Variants in GUCY1B1 observed in about 807,000 individuals in gnomAD.
GUCY1B1 encodes the protein guanylate cyclase soluble subunit beta-1.
Under a neutral mutation model 71.0 loss-of-function variants are expected in GUCY1B1, and 43 were observed. That is an observed-to-expected ratio of 0.61 (90% CI 0.47 to 0.78). GUCY1B1 has a LOEUF of 0.78. Ranked by LOEUF, GUCY1B1 falls within the 30% of genes least tolerant of loss-of-function variation. The probability of loss-of-function intolerance (pLI) is 0.00; values close to 1 mark genes in which losing one functional copy is unlikely to be tolerated. For missense variants in GUCY1B1, 535 were observed against 754.1 expected (o/e 0.71, Z 3.40); for synonymous variants, 266 against 259.7 (o/e 1.02, Z -0.23).
At chr4:155,764,537 TGTA>T (rs904159088) in intron 2 of GUCY1B1, among the ~76,000 whole-genome samples, 1 of 152,212 alleles carries the variant, frequency 6.6e-6, no homozygotes, top group African/African-American at 2.4e-5. Context: ...TAGGAACTAA[TGTA>T]GTATACATAC....
intron 3 of GUCY1B1, among the ~76,000 whole-genome samples, chr4:155,775,350 T>C (rs951394858): frequency 6.6e-6 from 1 of 152,206 alleles, no homozygotes; most frequent in South Asian, 2.1e-4. Context: ...ACTGCAGTAG[T>C]GGCCCAACTC....
intron 4 of GUCY1B1, among the ~76,000 whole-genome samples, chr4:155,787,535 A>C (rs112118276): frequency 3.7e-4 from 57 of 152,260 alleles, no homozygotes; most frequent in African/African-American, 1.2e-3. Context: ...TTTCAGTCTG[A>C]ATTGTTGGCT....
At chr4:155,776,565 G>A (rs1738062526) in intron 3 of GUCY1B1, among the ~76,000 whole-genome samples, 1 of 152,046 alleles carries the variant, frequency 6.6e-6, no homozygotes, top group Admixed American at 6.6e-5. Flanking sequence ...AGCTACTCAG[G>A]AGGCTGAGGC....
chr4:155,763,398 C>T (rs114778424), intron 2 of GUCY1B1, among the ~76,000 whole-genome samples: 12 of 152,212 alleles, frequency 7.9e-5, no homozygotes, highest in Non-Finnish European at 1.6e-4. Context: ...AGATCCAAAA[C>T]ACTGAAAAAT....
At position 155,759,955 on chromosome 4, in the gene GUCY1B1, G is replaced by A. The variant is rs551458062; in HGVS notation, c.77+95G>A. On this transcript the variant is annotated intron_variant, in intron 2 of 13. Coordinates refer to ENST00000264424, the MANE Select transcript of GUCY1B1 (RefSeq NM_000857.5). ...TGGTCCTCAGCCTGCTGGCCGGGTC[G>A]CGGGCGCGCATCCTTGGAGGTGCCT... is the stretch of plus-strand genomic sequence containing the variant. 413 of 876,546 alleles carry A rather than the reference G, an allele frequency of 4.7e-4. 1 individual carries two copies. The African/African-American group carries it at 6.3e-3, about 13-fold the overall frequency. 54.3% of individuals were successfully genotyped at this position (876,546 alleles called of 1,614,324 possible). A position where few individuals can be genotyped will look rare whatever the true frequency, so the allele number is the denominator to read the frequency against.
Position 155,802,439 on chromosome 4 carries a change from AG to A in GUCY1B1, c.1274del (p.Ser425MetfsTer20). On this transcript the variant is annotated frameshift_variant, in exon 10 of 14. Coordinates refer to ENST00000264424, the MANE Select transcript of GUCY1B1 (RefSeq NM_000857.5). LOFTEE classifies it high-confidence loss of function. The surrounding 1 kb of genome is among the most constrained non-coding windows in gnomAD (Gnocchi z 4.3). ...ATATGACAATGTGACCATCCTCTTT[AG>A]TGGCATTGTGGGCTTCAATGCTTTC... Reference protein sequence around the residue: ...KRYDNVTILFSGIVGFNAFCS... With the variant: ...KRYDNVTILFXGIVGFNAFCS... 1 of 1,613,806 alleles carries A rather than the reference AG, an allele frequency of 6.2e-7. No homozygotes were observed. Among genetic ancestry groups the A allele is most frequent in the Non-Finnish European group, 8.5e-7 (1 of 1,179,778 alleles).
At chr4:155,784,640 C>T (rs1451158382) in intron 4 of GUCY1B1, among the ~76,000 whole-genome samples, 1 of 152,106 alleles carries the variant, frequency 6.6e-6, no homozygotes, top group Non-Finnish European at 1.5e-5. Context: ...CAGATCTAAA[C>T]TGCAGTAATA....
intron 11 of GUCY1B1, 69 bp from the exon 12 acceptor site, chr4:155,804,524 T>TA: frequency 7.7e-7 from 1 of 1,293,160 alleles, no homozygotes; most frequent in Non-Finnish European, 1.1e-6. Context: ...GAACTTAAAG[T>TA]AAAATAAAAA....
intron 2 of GUCY1B1, among the ~76,000 whole-genome samples, chr4:155,760,117 G>C (rs1222160253): frequency 6.6e-6 from 1 of 152,162 alleles, no homozygotes; most frequent in African/African-American, 2.4e-5. Context: ...ACGGCTTCCC[G>C]ACCCGGCCTG....
chr4:155,803,676 G>T lies in GUCY1B1; in HGVS notation c.1466G>T (p.Cys489Phe), dbSNP rs773831619. Residue 489 changes from cysteine to phenylalanine, a missense_variant, in exon 11 of 14, where the codon TGC becomes TTC. Cys to Phe is a radical substitution (Grantham distance 205, BLOSUM62 -2). Coordinates refer to ENST00000264424, the MANE Select transcript of GUCY1B1 (RefSeq NM_000857.5). ...YMTVSGLPEPCIHHARSICHL... is the reference protein window; with the variant it reads ...YMTVSGLPEPFIHHARSICHL... Reference sequence around the variant, plus strand: ...ACAGTGAGTGGTTTACCAGAGCCATGCATTCACCATGCACGATCCATCTGC... The same window carrying T: ...ACAGTGAGTGGTTTACCAGAGCCATTCATTCACCATGCACGATCCATCTGC... 2.5e-6 allele frequency: 4 copies of T among 1,605,572 alleles called. No homozygotes were observed. Among genetic ancestry groups the T allele is most frequent in the African/African-American group, 2.7e-5 (2 of 74,674 alleles).
rs1272358571 is a variant in GUCY1B1, at chr4:155,807,571, ATAAAT to A, written c.*1165_*1169del. ...ATGTTAATGTGTAAAAGAGTCTGTA[ATAAAT>A]TATTTTTTTCACGTGTCTCTATACA... On this transcript the variant is annotated 3_prime_UTR_variant, in exon 14 of 14. Coordinates refer to ENST00000264424, the MANE Select transcript of GUCY1B1 (RefSeq NM_000857.5). 2 of 152,226 alleles carry A rather than the reference ATAAAT, an allele frequency of 1.3e-5. No homozygotes were observed. Among genetic ancestry groups the A allele is most frequent in the East Asian group, 3.9e-4 (2 of 5,194 alleles). The allele number at this position is 152,226 out of a possible 1,614,324, so 9.4% of individuals were successfully genotyped here.
chr4:155,800,533 T>G (rs1739874628), intron 9 of GUCY1B1, among the ~76,000 whole-genome samples: 1 of 152,158 alleles, frequency 6.6e-6, no homozygotes, highest in African/African-American at 2.4e-5. Flanking sequence ...GAATTTAGGA[T>G]TAGAAAGAAA....
At chr4:155,775,295 CTTG>C (rs1396982445) in intron 3 of GUCY1B1, among the ~76,000 whole-genome samples, 1 of 152,092 alleles carries the variant, frequency 6.6e-6, no homozygotes, top group Non-Finnish European at 1.5e-5. Flanking sequence ...ATGTGCTCTT[CTTG>C]TTGTTTTTTG....
Position 155,806,277 on chromosome 4 carries a change from T to C in GUCY1B1, c.1837-109T>C, listed in dbSNP as rs972825593. On this transcript the variant is annotated intron_variant, in intron 13 of 13. Transcript: ENST00000264424. ...TGGTGGGAATGATTTACAGAAACTG[T>C]AGATGTGAACGTGGATCACACTCTC... is the stretch of plus-strand genomic sequence containing the variant. 1.1e-5 allele frequency: 7 copies of C among 663,902 alleles called. No homozygotes were observed. In the South Asian group the frequency reaches 1.5e-4, roughly 14 times the overall value. 41.1% of individuals were successfully genotyped at this position (663,902 alleles called of 1,614,324 possible).
intron 4 of GUCY1B1, among the ~76,000 whole-genome samples, chr4:155,787,502 T>A (rs1419519903): frequency 6.6e-6 from 1 of 152,200 alleles, no homozygotes; most frequent in East Asian, 1.9e-4. Context: ...CATCTTCAGT[T>A]TGAAGTATTT....
At chr4:155,772,907 T>A (rs1170652760) in intron 2 of GUCY1B1, among the ~76,000 whole-genome samples, 1 of 152,204 alleles carries the variant, frequency 6.6e-6, no homozygotes, top group African/African-American at 2.4e-5. Context: ...TTTAAGACTA[T>A]CTGCATACTA....
intron 5 of GUCY1B1, among the ~76,000 whole-genome samples, chr4:155,792,337 A>T (rs1739238197): frequency 6.6e-6 from 1 of 152,184 alleles, no homozygotes; most frequent in African/African-American, 2.4e-5. Context: ...TAAGTTTAGG[A>T]TACATATAAT....
intron 5 of GUCY1B1, among the ~76,000 whole-genome samples, chr4:155,791,751 A>T (rs1183267286): frequency 7.0e-6 from 1 of 142,778 alleles, no homozygotes; most frequent in East Asian, 2.0e-4. Context: ...GAGAAAAAAA[A>T]AAAAATAAAG....
intron 2 of GUCY1B1, among the ~76,000 whole-genome samples, chr4:155,770,856 T>G (rs1412689179): frequency 6.6e-6 from 1 of 152,194 alleles, no homozygotes; most frequent in African/African-American, 2.4e-5. Context: ...TCCTCTTGCA[T>G]TTCCACTCTC....
Sources: gnomAD v4.1 joint callset for allele counts (sites outside exome capture counted in the v4.1 genomes callset) on GRCh38, gnomAD v4.1.1 for gene constraint, Gnocchi (gnomAD v3.1) non-coding constraint, MANE v1.5 for transcripts, NCBI Gene and HGNC (gene_info 2026-07-23, HGNC 2026-07-21) for gene names.